EPHA3: variants seen among roughly 807,000 people sequenced by gnomAD.
EPHA3 encodes the protein ephrin type-A receptor 3.
Under a neutral mutation model 107.1 loss-of-function variants are expected in EPHA3, and 42 were observed. The ratio of observed to expected loss-of-function variants is 0.39; its 90% CI spans 0.31 to 0.51. The LOEUF (loss-of-function observed/expected upper bound fraction) is 0.51. EPHA3 is among the 20% of genes least tolerant of loss of function. The pLI, the probability that EPHA3 is intolerant of heterozygous loss-of-function variation, is 0.78. For synonymous variants in EPHA3, 461 were observed against 424.8 expected, an observed-to-expected ratio of 1.09 and a Z score of -1.05; for missense variants, 1,183 against 1,211.2, an observed-to-expected ratio of 0.98 and a Z score of 0.35.
chr3:89,452,292 A>G (rs1710009240), intron 15 of EPHA3, among the ~76,000 whole-genome samples: 1 of 152,174 alleles, frequency 6.6e-6, no homozygotes, highest in Non-Finnish European at 1.5e-5. Context: ...ACATTTTTCC[A>G]TATGGCTGTT....
intron 3 of EPHA3, among the ~76,000 whole-genome samples, chr3:89,253,038 G>T (rs1251909565): frequency 6.6e-6 from 1 of 151,700 alleles, no homozygotes; most frequent in African/African-American, 2.4e-5. Context: ...TAGTTATTCC[G>T]AGCAATAGAG....
Position 89,399,382 on chromosome 3 carries a change from T to A in EPHA3, c.1496T>A (p.Leu499His). Residue 499 changes from leucine (L) to histidine (H), a missense_variant, in exon 7 of 17, where the codon CTC (leucine) becomes CAC (histidine). Leu to His is a moderately conservative substitution (Grantham distance 99). Transcript: ENST00000336596. ...ARGTNVTISS[L>H]KPDTIYVFQI... is the part of the protein sequence containing the mutation. The stretch of plus-strand genomic sequence containing the variant: ...GGCACAAATGTTACCATCAGTAGCC[T>A]CAAGCCTGACACTATATACGTATTC... 6.2e-7 allele frequency: 1 copy of A among 1,614,084 alleles called. No individual in the cohort carries two copies. The highest frequency in any genetic ancestry group is 8.5e-7 in the Non-Finnish European group (1 of 1,179,994).
chr3:89,372,080 G>T (rs1280654858), intron 5 of EPHA3, among the ~76,000 whole-genome samples: 1 of 151,550 alleles, frequency 6.6e-6, no homozygotes, highest in Non-Finnish European at 1.5e-5. Context: ...TTAAGTTTCT[G>T]CATAACTGAT....
chr3:89,243,239 G>A (rs995715720), intron 3 of EPHA3, among the ~76,000 whole-genome samples: 2 of 152,134 alleles, frequency 1.3e-5, no homozygotes, highest in South Asian at 2.1e-4. Flanking sequence ...CTTTATAGCA[G>A]CATGATATAT....
At chr3:89,334,049 A>G (rs1427026872) in intron 3 of EPHA3, among the ~76,000 whole-genome samples, 2 of 152,172 alleles carry the variant, frequency 1.3e-5, no homozygotes, top group Admixed American at 6.5e-5. Context: ...TTTGATTTTT[A>G]TGTCTATTCA....
chr3:89,378,998 T>A (rs187656027), intron 5 of EPHA3, among the ~76,000 whole-genome samples: 1 of 152,184 alleles, frequency 6.6e-6, no homozygotes. Flanking sequence ...TATGGCTAGC[T>A]GAAAAGTTAC....
intron 3 of EPHA3, among the ~76,000 whole-genome samples, chr3:89,211,686 TCTCCTCCC>T (rs1704088545): frequency 6.8e-6 from 1 of 146,682 alleles, no homozygotes; most frequent in Non-Finnish European, 1.5e-5. Flanking sequence ...TCCTCCTCTC[TCTCCTCCC>T]CCTCCCCCTC....
intron 3 of EPHA3, among the ~76,000 whole-genome samples, chr3:89,219,702 TG>T (rs869237631): frequency 0.48 from 12,693 of 26,492 alleles, 4,699 homozygotes; most frequent in African/African-American, 0.67. Context: ...TTTTTTTTTT[TG>T]TTTTTTGTTT....
chr3:89,243,268 G>C (rs560310022), intron 3 of EPHA3, among the ~76,000 whole-genome samples: 7 of 152,002 alleles, frequency 4.6e-5, no homozygotes, highest in Admixed American at 1.3e-4. Context: ...GGGTATATAC[G>C]CAGTAATGGG....
intron 15 of EPHA3, among the ~76,000 whole-genome samples, chr3:89,460,636 T>A (rs1288607083): frequency 5.4e-5 from 8 of 148,538 alleles, no homozygotes; most frequent in Non-Finnish European, 8.9e-5. Flanking sequence ...TAACTGCTGT[T>A]TTGACAAATA....
At chr3:89,349,562 CTT>C (rs1253792279) in intron 5 of EPHA3, among the ~76,000 whole-genome samples, 2 of 145,144 alleles carry the variant, frequency 1.4e-5, no homozygotes, top group South Asian at 2.2e-4. Context: ...GGTCTTGACT[CTT>C]TATCCAATTT....
chr3:89,329,522 T>C lies in EPHA3; in HGVS notation c.815-11394T>C, dbSNP rs550131379. ...CGCTATTTTCTCATCTTTTCTCCCA[T>C]TCTTCCTGTCCTCTAAAAGGACAGG... is the stretch of plus-strand genomic sequence containing the variant. On this transcript the variant is annotated intron_variant, in intron 3 of 16. Coordinates refer to ENST00000336596, the MANE Select transcript of EPHA3 (RefSeq NM_005233.6). Among the ~76,000 whole-genome samples the C allele has an allele frequency of 9.9e-5, 15 of 152,240 alleles. 1 individual carries two copies. In the South Asian group the frequency reaches 2.3e-3, roughly 23 times the overall value.
chr3:89,395,192 T>A (rs1214702418), intron 5 of EPHA3, among the ~76,000 whole-genome samples: 1 of 152,208 alleles, frequency 6.6e-6, no homozygotes, highest in South Asian at 2.1e-4. Context: ...AGCAGTCATT[T>A]CCTTGGTACC....
At chr3:89,280,204 C>T (rs752259068) in intron 3 of EPHA3, among the ~76,000 whole-genome samples, 2 of 152,104 alleles carry the variant, frequency 1.3e-5, no homozygotes, top group Non-Finnish European at 2.9e-5. Context: ...GGCCATATTT[C>T]ATAATAACTT....
intron 3 of EPHA3, among the ~76,000 whole-genome samples, chr3:89,289,363 G>C (rs772423325): frequency 3.3e-5 from 5 of 151,974 alleles, no homozygotes; most frequent in African/African-American, 1.2e-4. Flanking sequence ...ATTAAAGTTG[G>C]TACTCAACAT....
chr3:89,419,512 A>C, intron 11 of EPHA3, 122 bp downstream of exon 11: 1 of 746,832 alleles, frequency 1.3e-6, no homozygotes, highest in Non-Finnish European at 2.1e-6. Flanking sequence ...ACCAAAAAGA[A>C]AAGTTTAGGA....
chr3:89,429,683 A>G (rs1709525426), intron 12 of EPHA3, among the ~76,000 whole-genome samples: 1 of 150,048 alleles, frequency 6.7e-6, no homozygotes, highest in African/African-American at 2.4e-5. Flanking sequence ...GAAGCTTTAT[A>G]CGTTTATCTA....
chr3:89,282,122 C>G (rs1266421713), intron 3 of EPHA3, among the ~76,000 whole-genome samples: 1 of 152,106 alleles, frequency 6.6e-6, no homozygotes, highest in Non-Finnish European at 1.5e-5. Context: ...CATCTAGAGT[C>G]AGATAAAATG....
intron 9 of EPHA3, 25 bp from the exon 10 acceptor site, chr3:89,413,116 C>A (rs200234123): frequency 3.7e-6 from 6 of 1,609,290 alleles, no homozygotes; most frequent in East Asian, 2.2e-5. Flanking sequence ...GCTACAATTG[C>A]GCCTTTCTTT....
Sources: allele counts gnomAD v4.1 joint callset (sites outside exome capture counted in the v4.1 genomes callset), GRCh38; gene constraint gnomAD v4.1.1; transcripts MANE v1.5; gene names NCBI Gene and HGNC (gene_info 2026-07-23, HGNC 2026-07-21).